The following ADAMTS18 variants were observed in gnomAD, a reference collection of about 807,000 sequenced individuals.
The protein encoded by ADAMTS18 is ADAM metallopeptidase with thrombospondin type 1 motif 18.
A neutral mutation model predicts 165.9 loss-of-function variants in ADAMTS18; 157 were observed. The observed-to-expected ratio is 0.95, with a 90% CI of 0.83 to 1.08. ADAMTS18 has a LOEUF of 1.08. Ranked by LOEUF, ADAMTS18 falls within the 50% of genes least tolerant of loss-of-function variation. The pLI is 0.00. For missense variants in ADAMTS18, 2,040 were observed against 1,534.0 expected (o/e 1.33, Z -5.51); for synonymous variants, 782 against 578.2 (o/e 1.35, Z -5.06).
In ADAMTS18 at chr16:77,356,333, T is replaced by C. The variant is rs537054004; in HGVS notation, c.1323-256A>G. Among the ~76,000 whole-genome samples the C allele has an allele frequency of 2.3e-4, 35 of 152,322 alleles. 2 individuals carry two copies. In the South Asian group the frequency reaches 7.0e-3, roughly 31 times the overall value. On this transcript the variant is annotated intron_variant, in intron 8 of 22. Transcript: ENST00000282849. ...AATGGTCTAGCTGCTACATGTTTTA[T>C]GGGCTGGAAAATTTTGCTCAAGTTA...
chr16:77,431,167 G>A (rs1423079897), intron 3 of ADAMTS18, 128 bp downstream of exon 3: 4 of 955,982 alleles, frequency 4.2e-6, no homozygotes, highest in African/African-American at 1.6e-5. Context: ...GAGAATATTA[G>A]AAGTATCAAG....
chr16:77,408,570 T>A (rs1294819433), intron 3 of ADAMTS18, among the ~76,000 whole-genome samples: 1 of 152,162 alleles, frequency 6.6e-6, no homozygotes, highest in African/African-American at 2.4e-5. Context: ...ATGAACATAC[T>A]GTTGAGCAAA....
At chr16:77,351,441 C>T (rs1392922405) in intron 10 of ADAMTS18, among the ~76,000 whole-genome samples, 1 of 152,048 alleles carries the variant, frequency 6.6e-6, no homozygotes, top group Non-Finnish European at 1.5e-5. Context: ...TTGTTTAAGC[C>T]CTGCACACTG....
rs983488467 is a variant in ADAMTS18, at chr16:77,282,249, C to T, written c.*1707G>A. The T allele has an allele frequency of 6.6e-6, 1 of 151,920 alleles. No individual in the cohort carries two copies. Among genetic ancestry groups the T allele is most frequent in the East Asian group, 1.9e-4 (1 of 5,192 alleles). 9.4% of individuals were successfully genotyped at this position (151,920 alleles called of 1,614,324 possible). ...TTCAACATTTTATCTCAAAATATTA[C>T]TTAGAGAAGCAAGTGAGAACACATA... On this transcript the variant is annotated 3_prime_UTR_variant, in exon 23 of 23. Coordinates refer to ENST00000282849, the MANE Select transcript of ADAMTS18 (RefSeq NM_199355.4).
Position 77,320,004 on chromosome 16 carries a change from T to C in ADAMTS18, c.2377A>G (p.Ser793Gly). ...GTGAGGTAATACTTTTGACTGAGGCTTCGAACTGCGAGGTAACTGGAGGAA... is the reference window on the plus strand; with the variant it reads ...GTGAGGTAATACTTTTGACTGAGGCCTCGAACTGCGAGGTAACTGGAGGAA... ...QVSSSYLAVR[S>G]LSQKYYLTGG... is the part of the protein sequence containing the mutation. Residue 793 changes from serine to glycine, a missense_variant, in exon 16 of 23, where the codon AGC becomes GGC. Physicochemically the swap from Ser to Gly is moderately conservative, Grantham distance 56. Transcript: ENST00000282849. The C allele has an allele frequency of 1.2e-6, 2 of 1,614,138 alleles. No individual in the cohort carries two copies. Among genetic ancestry groups the C allele is most frequent in the Non-Finnish European group, 8.5e-7 (1 of 1,180,022 alleles).
intron 3 of ADAMTS18, among the ~76,000 whole-genome samples, chr16:77,400,456 C>CTGTGTG (rs796918149): frequency 1.5e-4 from 17 of 110,788 alleles, no homozygotes; most frequent in African/African-American, 5.2e-4. Flanking sequence ...GTGTGTGTGT[C>CTGTGTG]TGTGTGTGTG....
intron 10 of ADAMTS18, among the ~76,000 whole-genome samples, chr16:77,346,583 G>C (rs935647012): frequency 6.6e-6 from 1 of 152,140 alleles, no homozygotes; most frequent in Non-Finnish European, 1.5e-5. Context: ...CATGACGAAA[G>C]TATGACTATC....
At chr16:77,430,252 T>C (rs1257418774) in intron 3 of ADAMTS18, among the ~76,000 whole-genome samples, 14 of 152,222 alleles carry the variant, frequency 9.2e-5, no homozygotes, top group Admixed American at 8.5e-4. Flanking sequence ...TGGTGAGCCA[T>C]GTTCATCATT....
chr16:77,282,908 T>TC lies in ADAMTS18; in HGVS notation c.*1047_*1048insG, dbSNP rs1567447369. The TC allele has an allele frequency of 3.6e-4, 14 of 39,218 alleles. No individual in the cohort carries two copies. Among genetic ancestry groups the TC allele is most frequent in the Non-Finnish European group, 1.1e-3 (11 of 10,464 alleles). 2.4% of individuals were successfully genotyped at this position (39,218 alleles called of 1,614,324 possible). A position where few individuals can be genotyped will look rare whatever the true frequency, so the allele number is the denominator to read the frequency against. Reference sequence around the variant, plus strand: ...ACTGTTTACTCCTTTCTTTCTCTCTTTTTTTTTTTTTTTTTTTTGCTGTTA... The same window carrying TC: ...ACTGTTTACTCCTTTCTTTCTCTCTTCTTTTTTTTTTTTTTTTTTGCTGTTA... On this transcript the variant is annotated 3_prime_UTR_variant, in exon 23 of 23. Coordinates refer to ENST00000282849, the MANE Select transcript of ADAMTS18 (RefSeq NM_199355.4).
chr16:77,349,509 TTA>T (rs1378722769), intron 10 of ADAMTS18, among the ~76,000 whole-genome samples: 1 of 141,056 alleles, frequency 7.1e-6, no homozygotes, highest in Non-Finnish European at 1.5e-5. Context: ...CCCCATTTGT[TTA>T]TGTCATCTTA....
chr16:77,346,627 G>A (rs1404265022), intron 10 of ADAMTS18, among the ~76,000 whole-genome samples: 4 of 152,166 alleles, frequency 2.6e-5, no homozygotes, highest in African/African-American at 9.7e-5. Flanking sequence ...TTGAGACTCA[G>A]AGAAATTAAG....
At chr16:77,411,923 G>A (rs568712849) in intron 3 of ADAMTS18, among the ~76,000 whole-genome samples, 77 of 151,738 alleles carry the variant, frequency 5.1e-4, no homozygotes, top group Non-Finnish European at 8.8e-4. Context: ...TCCTGACCTC[G>A]TGTTTCACCT....
intron 21 of ADAMTS18, chr16:77,290,914 G>A (rs972553290): frequency 3.4e-6 from 1 of 290,970 alleles, no homozygotes; most frequent in Non-Finnish European, 6.6e-6. Flanking sequence ...AGTAAAGGCT[G>A]TGAGCAGCAT....
Position 77,295,009 on chromosome 16 carries a change from G to A in ADAMTS18, c.2920C>T (p.Leu974Phe). The A allele has an allele frequency of 6.2e-7, 1 of 1,614,204 alleles. No homozygotes were observed. The highest frequency in any genetic ancestry group is 1.3e-5 in the African/African-American group (1 of 75,060). Reference protein sequence around the residue: ...FQKEEAVLHSLCPVSTPTQVQ... With the variant: ...FQKEEAVLHSFCPVSTPTQVQ... Reference sequence around the variant, plus strand: ...TGAGTGGGTGTGCTCACTGGACAGAGAGAATGCAACACTGCTTCCTCCTTT... The same window carrying A: ...TGAGTGGGTGTGCTCACTGGACAGAAAGAATGCAACACTGCTTCCTCCTTT... Residue 974 changes from leucine to phenylalanine, a missense_variant, in exon 19 of 23, where the codon CTC becomes TTC. Physicochemically the swap from Leu to Phe is conservative, Grantham distance 22. Transcript: ENST00000282849.
intron 5 of ADAMTS18, 123 bp from the exon 6 acceptor site, chr16:77,364,008 C>G (rs1824659659): frequency 8.3e-7 from 1 of 1,208,722 alleles, no homozygotes; most frequent in African/African-American, 1.5e-5. Flanking sequence ...CATATAAATA[C>G]AATTTCCTCA....
At chr16:77,291,596 A>T (rs528340551) in intron 20 of ADAMTS18, 118 bp from the exon 21 acceptor site, 1 of 1,002,846 alleles carries the variant, frequency 1.0e-6, no homozygotes, top group Non-Finnish European at 1.6e-6. Flanking sequence ...GGGATTACAC[A>T]AGGTCAACCA....
rs372721348 is a variant in ADAMTS18, at chr16:77,339,917, G to A, written c.1710+1787C>T. Among the ~76,000 whole-genome samples, 38 of 152,262 alleles carry A rather than the reference G, an allele frequency of 2.5e-4. No homozygotes were observed. In the East Asian group the frequency reaches 5.8e-3, roughly 23 times the overall value. ...GTCCTAACAAATATCAGAAATCTGT[G>A]CCTTTGCCTCTGATGTTGGCCTCTC... On this transcript the variant is annotated intron_variant, in intron 11 of 22. Transcript: ENST00000282849.
At chr16:77,418,423 G>A (rs764819234) in intron 3 of ADAMTS18, among the ~76,000 whole-genome samples, 25 of 152,262 alleles carry the variant, frequency 1.6e-4, no homozygotes, top group Admixed American at 1.3e-3. Context: ...GACATTTTTA[G>A]CTGACATAAC....
Position 77,320,009 on chromosome 16 carries a change from A to C in ADAMTS18, c.2372T>G (p.Val791Gly). 2 of 1,614,126 alleles carry C rather than the reference A, an allele frequency of 1.2e-6. No individual in the cohort carries two copies. Among genetic ancestry groups the C allele is most frequent in the South Asian group, 1.1e-5 (1 of 91,070 alleles). Residue 791 changes from valine (V) to glycine (G), a missense_variant, in exon 16 of 23, where the codon GTT becomes GGT. Transcript: ENST00000282849. The part of the protein sequence containing the change: ...ELQVSSSYLA[V>G]RSLSQKYYLT... ...GTAATACTTTTGACTGAGGCTTCGA[A>C]CTGCGAGGTAACTGGAGGAAACCTG...
Sources: allele counts gnomAD v4.1 joint callset (sites outside exome capture counted in the v4.1 genomes callset), GRCh38; gene constraint gnomAD v4.1.1; transcripts MANE v1.5; gene names NCBI Gene and HGNC (gene_info 2026-07-23, HGNC 2026-07-21).